Variants in CD37 observed in about 807,000 individuals in gnomAD.
CD37 encodes the protein CD37 molecule, also known as leukocyte antigen CD37.
Under a neutral mutation model 38.9 loss-of-function variants are expected in CD37, and 37 were observed. The observed-to-expected ratio is 0.95, with a 90% confidence interval of 0.73 to 1.25. The LOEUF is 1.25. CD37 is among the 50% of genes most tolerant of loss of function. The pLI is 0.00. For missense variants in CD37, 351 were observed against 360.1 expected, an observed-to-expected ratio of 0.97 and a Z score of 0.20; for synonymous variants, 146 against 150.1, an observed-to-expected ratio of 0.97 and a Z score of 0.20.
Position 49,338,675 on chromosome 19 carries a change from CCT to C in CD37, c.448-22_448-21del, listed in dbSNP as rs1476036000. On this transcript the variant is annotated intron_variant, in intron 5 of 7. Transcript: ENST00000323906. This position sits in a 1 kb window ranked among gnomAD's most constrained non-coding sequence, Gnocchi z 5.0. ...ACATCATATGTCTCCAGTCCCGGTC[CCT>C]CTGACTCGTATCCCTCTCCCAGCTG... 1 of 1,549,542 alleles carries C rather than the reference CCT, an allele frequency of 6.5e-7. No homozygotes were observed. The highest frequency in any genetic ancestry group is 1.1e-5 in the South Asian group (1 of 89,984).
rs914914480 is a variant in CD37, at chr19:49,338,116, C to A, written c.447+87C>A. 13 of 1,535,602 alleles carry A rather than the reference C, an allele frequency of 8.5e-6. No individual in the cohort carries two copies. The highest frequency in any genetic ancestry group is 1.2e-5 in the South Asian group (1 of 81,894). On this transcript the variant is annotated intron_variant, in intron 5 of 7. Transcript: ENST00000323906. The surrounding 1 kb of genome is among the most constrained non-coding windows in gnomAD (Gnocchi z 5.0). Reference sequence around the variant, plus strand: ...GACTCCACCCCAACGTGGGCCCGACCCCCAGCTCTACGATCCTAACACACC... The same window carrying A: ...GACTCCACCCCAACGTGGGCCCGACACCCAGCTCTACGATCCTAACACACC...
At chr19:49,336,052 C>T (rs779978669) in intron 2 of CD37, 2 of 518,924 alleles carry the variant, frequency 3.9e-6, no homozygotes, top group Middle Eastern at 1.0e-3. Flanking sequence ...CACAAACCTT[C>T]CCCTCGCTTG....
In CD37 at chr19:49,336,782, AG is replaced by A; in HGVS notation, c.143-124del. 3.3e-6 allele frequency: 3 copies of A among 913,804 alleles called. No individual in the cohort carries two copies. The East Asian group carries it at 7.5e-5, about 23-fold the overall frequency. The allele number at this position is 913,804 out of a possible 1,614,324, so 56.6% of individuals were successfully genotyped here. A position where few individuals can be genotyped will look rare whatever the true frequency, so the allele number is the denominator to read the frequency against. On this transcript the variant is annotated intron_variant, in intron 2 of 7. Transcript: ENST00000323906. ...AGGAAACAGGGACTCAGGGTGGGGC[AG>A]GGACAGAGTCCCAGAGAGAGGGGCA...
Position 49,335,623 on chromosome 19 carries a change from T to C in CD37, c.69+14T>C. The C allele has an allele frequency of 6.2e-7, 1 of 1,613,110 alleles. No homozygotes were observed. Among genetic ancestry groups the C allele is most frequent in the South Asian group, 1.1e-5 (1 of 91,060 alleles). On this transcript the variant is annotated intron_variant, in intron 1 of 7. Coordinates refer to ENST00000323906, the MANE Select transcript of CD37 (RefSeq NM_001774.3). The surrounding 1 kb of genome is among the most constrained non-coding windows in gnomAD (Gnocchi z 4.6). ...CTCTTCTTCTTCGTGAGTTGCCTCA[T>C]GGCTACCCAGCCGGGGCCCAGCCCC...
At position 49,335,751 on chromosome 19, in the gene CD37, T is replaced by A. The variant is rs200617909; in HGVS notation, c.107T>A (p.Ile36Asn). The stretch of plus-strand genomic sequence containing the variant: ...CTGATCTTCTGCTTCGGCATCTGGA[T>A]CCTCATTGACAAGACCAGCTTCGTG... ...GSLIFCFGIWILIDKTSFVSF... is the reference protein window; with the variant it reads ...GSLIFCFGIWNLIDKTSFVSF... Residue 36 changes from isoleucine (I) to asparagine (N), a missense_variant, in exon 2 of 8, where the codon ATC becomes AAC. Ile to Asn is a moderately radical substitution (Grantham distance 149). Coordinates refer to ENST00000323906, the MANE Select transcript of CD37 (RefSeq NM_001774.3). This position sits in a 1 kb window ranked among gnomAD's most constrained non-coding sequence, Gnocchi z 4.6. 7 of 1,613,144 alleles carry A rather than the reference T, an allele frequency of 4.3e-6. No homozygotes were observed. The East Asian group carries it at 6.7e-5, about 15-fold the overall frequency.
chr19:49,335,492 C>A lies in CD37; in HGVS notation c.-49C>A. 7.6e-7 allele frequency: 1 copy of A among 1,317,260 alleles called. No individual in the cohort carries two copies. The highest frequency in any genetic ancestry group is 1.1e-6 in the Non-Finnish European group (1 of 909,832). The allele number at this position is 1,317,260 out of a possible 1,614,324, so 81.6% of individuals were successfully genotyped here. ...TCTTTCTCCCTGTCTCCCCCACTGTCAGCACCTCTTCTGTGTGGTGAGTGG... is the reference window on the plus strand; with the variant it reads ...TCTTTCTCCCTGTCTCCCCCACTGTAAGCACCTCTTCTGTGTGGTGAGTGG... On this transcript the variant is annotated 5_prime_UTR_variant, in exon 1 of 8. Coordinates refer to ENST00000323906, the MANE Select transcript of CD37 (RefSeq NM_001774.3). The surrounding 1 kb of genome is among the most constrained non-coding windows in gnomAD (Gnocchi z 4.6).
rs938353132 is a variant in CD37, at chr19:49,340,419, G to A, written c.*91G>A. The A allele has an allele frequency of 5.4e-6, 5 of 932,556 alleles. No individual in the cohort carries two copies. The highest frequency in any genetic ancestry group is 6.9e-6 in the Non-Finnish European group (4 of 579,430). 57.8% of individuals were successfully genotyped at this position (932,556 alleles called of 1,614,324 possible). ...TAAATATTTGTTTAATCCCCAGTTC[G>A]CCTGGAGCCCTCCGCCTTCACATTC... On this transcript the variant is annotated 3_prime_UTR_variant, in exon 8 of 8. Coordinates refer to ENST00000323906, the MANE Select transcript of CD37 (RefSeq NM_001774.3).
At chr19:49,340,011 G>A (rs1323879977) in intron 7 of CD37, 1 of 1,461,022 alleles carries the variant, frequency 6.8e-7, no homozygotes, top group East Asian at 2.5e-5. Flanking sequence ...AGGACCCTGG[G>A]CTTGCTTCCG....
chr19:49,340,360 C>G lies in CD37; in HGVS notation c.*32C>G. The G allele has an allele frequency of 7.1e-7, 1 of 1,414,002 alleles. No homozygotes were observed. The highest frequency in any genetic ancestry group is 1.0e-6 in the Non-Finnish European group (1 of 999,180). The allele number at this position is 1,414,002 out of a possible 1,614,324, so 87.6% of individuals were successfully genotyped here. A position where few individuals can be genotyped will look rare whatever the true frequency, so the allele number is the denominator to read the frequency against. ...CCCTCCCCAAAGTCCCGCCCCGCCC[C>G]CGTCACGTGCGCTGGGCACTTCCCT... On this transcript the variant is annotated 3_prime_UTR_variant, in exon 8 of 8. Transcript: ENST00000323906.
chr19:49,336,746 A>G (rs1046468110), intron 2 of CD37, 163 bp from the exon 3 acceptor site: 8 of 653,298 alleles, frequency 1.2e-5, no homozygotes, highest in African/African-American at 9.1e-5. Flanking sequence ...GAAAGAAGAG[A>G]AAGTTTCAGA....
Position 49,336,911 on chromosome 19 carries a change from T to A in CD37, c.145T>A (p.Leu49Met). 6.2e-7 allele frequency: 1 copy of A among 1,614,092 alleles called. No homozygotes were observed. Among genetic ancestry groups the A allele is most frequent in the Non-Finnish European group, 8.5e-7 (1 of 1,179,942 alleles). Residue 49 changes from leucine (L) to methionine (M), a missense_variant and splice_region_variant, in exon 3 of 8, where the codon TTG (leucine) becomes ATG (methionine). Leu to Met is a conservative substitution (Grantham distance 15, BLOSUM62 2). Coordinates refer to ENST00000323906, the MANE Select transcript of CD37 (RefSeq NM_001774.3). ...ATCACTCCCCTCACCTCTCCCAGGC[T>A]TGGCCTTCGTGCCTCTGCAGATCTG... ...DKTSFVSFVG[L>M]AFVPLQIWSK...
In CD37 at chr19:49,339,582, T is replaced by C; in HGVS notation, c.768+169T>C. 6.9e-7 allele frequency: 1 copy of C among 1,454,380 alleles called. No homozygotes were observed. 90.1% of individuals were successfully genotyped at this position (1,454,380 alleles called of 1,614,324 possible). A position where few individuals can be genotyped will look rare whatever the true frequency, so the allele number is the denominator to read the frequency against. ...ACCGGAGGGTGGGGGCGGCCCAGCT[T>C]CAGGGAGCCCTGATTGGGTGTACGC... is the stretch of plus-strand genomic sequence containing the variant. On this transcript the variant is annotated intron_variant, in intron 7 of 7. Transcript: ENST00000323906. The surrounding 1 kb of genome is among the most constrained non-coding windows in gnomAD (Gnocchi z 4.5).
chr19:49,337,855 C>G lies in CD37; in HGVS notation c.343-70C>G, dbSNP rs1054356504. ...AGAGATGCACAGGGCCCGCCTGAGG[C>G]TGGCACAGCCTGAGAGGGGGAGGGG... is the stretch of plus-strand genomic sequence containing the variant. On this transcript the variant is annotated intron_variant, in intron 4 of 7. Coordinates refer to ENST00000323906, the MANE Select transcript of CD37 (RefSeq NM_001774.3). The G allele has an allele frequency of 1.9e-5, 30 of 1,586,294 alleles. No homozygotes were observed. The African/African-American group carries it at 3.1e-4, about 16-fold the overall frequency.
Position 49,339,563 on chromosome 19 carries a change from G to A in CD37, c.768+150G>A. The stretch of plus-strand genomic sequence containing the variant: ...TCCCGCCGCTCCACCCAGCACCGGA[G>A]GGTGGGGGCGGCCCAGCTTCAGGGA... On this transcript the variant is annotated intron_variant, in intron 7 of 7. Transcript: ENST00000323906. The surrounding 1 kb of genome is among the most constrained non-coding windows in gnomAD (Gnocchi z 4.5). 1 of 1,464,530 alleles carries A rather than the reference G, an allele frequency of 6.8e-7. No individual in the cohort carries two copies. The highest frequency in any genetic ancestry group is 2.5e-5 in the Admixed American group (1 of 40,162). 90.7% of individuals were successfully genotyped at this position (1,464,530 alleles called of 1,614,324 possible).
At position 49,339,618 on chromosome 19, in the gene CD37, T is replaced by G. The variant is rs1242146278; in HGVS notation, c.768+205T>G. 1.4e-6 allele frequency: 2 copies of G among 1,434,850 alleles called. No individual in the cohort carries two copies. The allele number at this position is 1,434,850 out of a possible 1,614,324, so 88.9% of individuals were successfully genotyped here. A position where few individuals can be genotyped will look rare whatever the true frequency, so the allele number is the denominator to read the frequency against. Reference sequence around the variant, plus strand: ...TGATTGGGTGTACGCAGGGAAAGCCTCCTGCTATTGGCTGCGATCTCCCTC... The same window carrying G: ...TGATTGGGTGTACGCAGGGAAAGCCGCCTGCTATTGGCTGCGATCTCCCTC... On this transcript the variant is annotated intron_variant, in intron 7 of 7. Transcript: ENST00000323906. This position sits in a 1 kb window ranked among gnomAD's most constrained non-coding sequence, Gnocchi z 4.5.
Position 49,339,751 on chromosome 19 carries a change from G to C in CD37, c.768+338G>C. The C allele has an allele frequency of 7.2e-7, 1 of 1,386,180 alleles. No individual in the cohort carries two copies. 85.9% of individuals were successfully genotyped at this position (1,386,180 alleles called of 1,614,324 possible). Reference sequence around the variant, plus strand: ...GCCGGGCGCTGGGGATTCGAGCCCCGGGCCCAGCCTGATCGCTGACGGCGG... The same window carrying C: ...GCCGGGCGCTGGGGATTCGAGCCCCCGGCCCAGCCTGATCGCTGACGGCGG... On this transcript the variant is annotated intron_variant, in intron 7 of 7. Transcript: ENST00000323906. The surrounding 1 kb of genome is among the most constrained non-coding windows in gnomAD (Gnocchi z 4.5).
At chr19:49,340,154 C>G in intron 7 of CD37, 97 bp from the exon 8 acceptor site, 2 of 1,317,516 alleles carry the variant, frequency 1.5e-6, no homozygotes, top group Non-Finnish European at 1.0e-6. Flanking sequence ...CCGCCCAATT[C>G]ACGGCCCCAC....
At position 49,340,241 on chromosome 19, in the gene CD37, T is replaced by C. The variant is rs376634983; in HGVS notation, c.769-10T>C. The C allele has an allele frequency of 1.9e-6, 3 of 1,611,278 alleles. No homozygotes were observed. The highest frequency in any genetic ancestry group is 2.5e-6 in the Non-Finnish European group (3 of 1,178,092). On this transcript the variant is annotated splice_polypyrimidine_tract_variant and intron_variant, in intron 7 of 7. Transcript: ENST00000323906. ...TTCGACTTCTCTGACCTCATCTCCT[T>C]TCTCTATAGCTCGGGTTCATGACGC...
At position 49,340,281 on chromosome 19, in the gene CD37, T is replaced by C; in HGVS notation, c.799T>C (p.Cys267Arg). 1.2e-6 allele frequency: 2 copies of C among 1,613,934 alleles called. No individual in the cohort carries two copies. The highest frequency in any genetic ancestry group is 1.7e-6 in the Non-Finnish European group (2 of 1,179,970). The change falls in exon 8 of 8, where the codon TGC becomes CGC. Residue 267 changes from cysteine to arginine, a missense_variant. Coordinates refer to ENST00000323906, the MANE Select transcript of CD37 (RefSeq NM_001774.3). The stretch of plus-strand genomic sequence containing the variant: ...GTTCATGACGCTCTCGATATTCCTG[T>C]GCAGAAACCTGGACCACGTCTACAA... ...LGFMTLSIFL[C>R]RNLDHVYNRL...
Sources: allele counts gnomAD v4.1 joint callset, GRCh38; gene constraint gnomAD v4.1.1; non-coding constraint Gnocchi (gnomAD v3.1); transcripts MANE v1.5; gene names NCBI Gene and HGNC (gene_info 2026-07-23, HGNC 2026-07-21).